Variants in ZNF207 observed in about 807,000 individuals in gnomAD.
The protein encoded by ZNF207 is zinc finger protein 207.
ZNF207 carries 24 observed loss-of-function variants against 60.2 expected under a neutral mutation model. The observed-to-expected ratio is 0.40, with a 90% CI of 0.29 to 0.56. The LOEUF (loss-of-function observed/expected upper bound fraction) is 0.56, where lower values mean the gene tolerates loss of function less well. Ranked by LOEUF, ZNF207 falls within the 20% of genes least tolerant of loss-of-function variation. The pLI, the probability that ZNF207 is intolerant of heterozygous loss-of-function variation, is 0.49. For synonymous variants in ZNF207, 236 were observed against 194.7 expected (o/e 1.21, Z -1.77); for missense variants, 452 against 636.6 (o/e 0.71, Z 3.12).
At chr17:32,359,246 G>A (rs1904720461) in intron 3 of ZNF207, among the ~76,000 whole-genome samples, 1 of 152,014 alleles carries the variant, frequency 6.6e-6, no homozygotes, top group African/African-American at 2.4e-5. Context: ...CGGAGTAGCT[G>A]GGATTAGAGG....
In ZNF207 at chr17:32,375,327, C is replaced by CT. The variant is rs1398994883; in HGVS notation, c.*5569dup. The CT allele has an allele frequency of 1.3e-5, 2 of 152,124 alleles. No individual in the cohort carries two copies. The highest frequency in any genetic ancestry group is 4.8e-5 in the African/African-American group (2 of 41,428). The allele number at this position is 152,124 out of a possible 1,614,324, so 9.4% of individuals were successfully genotyped here. On this transcript the variant is annotated 3_prime_UTR_variant, in exon 12 of 12. Transcript: ENST00000394670. ...GTCCTTAATTGGAGATCTGTTTTCT[C>CT]TATTACCTACCATCCTGCAATATGC...
At chr17:32,355,652 C>G (rs1382509295) in intron 2 of ZNF207, among the ~76,000 whole-genome samples, 1 of 152,126 alleles carries the variant, frequency 6.6e-6, no homozygotes, top group Admixed American at 6.6e-5. Flanking sequence ...TTTGTAAGGA[C>G]TGTAGTGTGG....
At chr17:32,359,362 C>T (rs766367844) in intron 3 of ZNF207, among the ~76,000 whole-genome samples, 3 of 151,742 alleles carry the variant, frequency 2.0e-5, no homozygotes, top group Admixed American at 6.6e-5. Context: ...CTGCCCGCCT[C>T]GGCCTCCCAA....
chr17:32,352,072 ATTC>A (rs2041518175), intron 2 of ZNF207, among the ~76,000 whole-genome samples, 160 bp downstream of exon 2: 3 of 152,116 alleles, frequency 2.0e-5, no homozygotes, highest in Admixed American at 2.0e-4. Context: ...GGTTCAAGCT[ATTC>A]TTCTGCCTCA....
chr17:32,351,369 C>A, intron 1 of ZNF207: 2 of 961,118 alleles, frequency 2.1e-6, no homozygotes, highest in East Asian at 1.1e-4. Context: ...TTGCTAAATT[C>A]CTAATCCAGT....
chr17:32,379,383 T>C lies in ZNF207; in HGVS notation c.*9624T>C, dbSNP rs1905796302. 1 of 152,180 alleles carries C rather than the reference T, an allele frequency of 6.6e-6. No individual in the cohort carries two copies. The highest frequency in any genetic ancestry group is 1.5e-5 in the Non-Finnish European group (1 of 67,984). The allele number at this position is 152,180 out of a possible 1,614,324, so 9.4% of individuals were successfully genotyped here. On this transcript the variant is annotated 3_prime_UTR_variant, in exon 12 of 12. Transcript: ENST00000394670. Reference sequence around the variant, plus strand: ...ACCTGGCATTTCCCTTTTAATTTGCTAGTTCACTTTTTTCTGACCTTCACT... The same window carrying C: ...ACCTGGCATTTCCCTTTTAATTTGCCAGTTCACTTTTTTCTGACCTTCACT...
intron 2 of ZNF207, among the ~76,000 whole-genome samples, chr17:32,355,274 A>T (rs975542842): frequency 6.6e-6 from 1 of 152,200 alleles, no homozygotes; most frequent in African/African-American, 2.4e-5. Context: ...CCTGTGTCCC[A>T]GCTACTCAGG....
intron 9 of ZNF207, among the ~76,000 whole-genome samples, chr17:32,367,282 T>TATGTATATATATATATATATATATATAA (rs1905241031): frequency 7.2e-5 from 6 of 82,852 alleles, no homozygotes; most frequent in Admixed American, 1.3e-4. Context: ...TATATATATA[T>TATGTATATATATATATATATATATATAA]ATAAAGAATA....
chr17:32,352,456 A>C (rs559056484), intron 2 of ZNF207, among the ~76,000 whole-genome samples: 7 of 152,328 alleles, frequency 4.6e-5, no homozygotes, highest in African/African-American at 1.4e-4. Context: ...ATTTAGTTTG[A>C]TAGTACCTTA....
Position 32,361,815 on chromosome 17 carries a change from A to G in ZNF207, c.599+300A>G, listed in dbSNP as rs150381428. ...GAAAGACTATATTCTATGAAATTAC[A>G]TGCTTTATTATTATAGGATGTAATG... On this transcript the variant is annotated intron_variant, in intron 6 of 11. Transcript: ENST00000394670. 4.8e-3 allele frequency among the ~76,000 whole-genome samples: 730 copies of G among 152,332 alleles called. 5 individuals are homozygous for G. The highest frequency in any genetic ancestry group is 0.015 in the African/African-American group (643 of 41,570).
At chr17:32,353,811 CAAAA>C (rs536502166) in intron 2 of ZNF207, among the ~76,000 whole-genome samples, 1 of 110,528 alleles carries the variant, frequency 9.0e-6, no homozygotes, top group South Asian at 3.3e-4. Flanking sequence ...ACTCTGTCTC[CAAAA>C]AAAAAAAAAA....
chr17:32,381,030 A>G lies in ZNF207; in HGVS notation c.*11271A>G, dbSNP rs1905863429. On this transcript the variant is annotated 3_prime_UTR_variant, in exon 12 of 12. Coordinates refer to ENST00000394670, the MANE Select transcript of ZNF207 (RefSeq NM_001098507.2). The stretch of plus-strand genomic sequence containing the variant: ...CCCTGGGATGTTCTATTAATAATAA[A>G]GTGATAATAAATGAAGGTTAAAGTC... 6.6e-6 allele frequency: 1 copy of G among 152,264 alleles called. No individual in the cohort carries two copies. The highest frequency in any genetic ancestry group is 1.9e-4 in the East Asian group (1 of 5,206). The allele number at this position is 152,264 out of a possible 1,614,324, so 9.4% of individuals were successfully genotyped here.
At position 32,380,960 on chromosome 17, in the gene ZNF207, AAAAAAAAG is replaced by A. The variant is rs929366610; in HGVS notation, c.*11215_*11222del. On this transcript the variant is annotated 3_prime_UTR_variant, in exon 12 of 12. Transcript: ENST00000394670. Reference sequence around the variant, plus strand: ...TGACAGAGCGAGACTCCGTCTCAAAAAAAAAAAGAAAAAAAGAAAAAGTGATAAGATTT... The same window carrying A: ...TGACAGAGCGAGACTCCGTCTCAAAAAAAAAAAGAAAAAGTGATAAGATTT... 4.6e-5 allele frequency: 7 copies of A among 151,930 alleles called. No individual in the cohort carries two copies. Among genetic ancestry groups the A allele is most frequent in the African/African-American group, 1.2e-4 (5 of 41,446 alleles). The allele number at this position is 151,930 out of a possible 1,614,324, so 9.4% of individuals were successfully genotyped here.
chr17:32,362,195 G>A (rs758079660), intron 6 of ZNF207, among the ~76,000 whole-genome samples: 4 of 150,942 alleles, frequency 2.7e-5, no homozygotes, highest in Admixed American at 6.6e-5. Context: ...TTACTCTGTC[G>A]CCCAGACTAC....
At position 32,369,127 on chromosome 17, in the gene ZNF207, T is replaced by C. The variant is rs1905343734; in HGVS notation, c.1165-168T>C. ...CAAATAGGTGAAGTTTTAAGGTATCTAGAGTTTAAGTAGTTGGATTGGTTT... is the reference window on the plus strand; with the variant it reads ...CAAATAGGTGAAGTTTTAAGGTATCCAGAGTTTAAGTAGTTGGATTGGTTT... On this transcript the variant is annotated intron_variant, in intron 10 of 11. Transcript: ENST00000394670. The C allele has an allele frequency of 1.1e-5, 7 of 625,364 alleles. No homozygotes were observed. The South Asian group carries it at 1.6e-4, about 14-fold the overall frequency. The allele number at this position is 625,364 out of a possible 1,614,324, so 38.7% of individuals were successfully genotyped here.
intron 2 of ZNF207, among the ~76,000 whole-genome samples, chr17:32,352,525 A>G (rs2041526786): frequency 6.6e-6 from 1 of 152,228 alleles, no homozygotes; most frequent in Non-Finnish European, 1.5e-5. Context: ...CTTGGAGCAG[A>G]GAACAAGGAT....
At chr17:32,354,732 G>A (rs1002001931) in intron 2 of ZNF207, among the ~76,000 whole-genome samples, 4 of 152,014 alleles carry the variant, frequency 2.6e-5, no homozygotes, top group African/African-American at 9.7e-5. Context: ...TCCTGCCTCA[G>A]CCTCTCGAGT....
intron 1 of ZNF207, chr17:32,351,374 T>C (rs2041504442): frequency 1.0e-6 from 1 of 1,000,898 alleles, no homozygotes; most frequent in Non-Finnish European, 1.3e-6. Context: ...AAATTCCTAA[T>C]CCAGTTATTG....
chr17:32,354,714 A>G (rs574516773), intron 2 of ZNF207, among the ~76,000 whole-genome samples: 2 of 152,182 alleles, frequency 1.3e-5, no homozygotes, highest in Non-Finnish European at 2.9e-5. Flanking sequence ...TCCGGGTTCA[A>G]GCAATTCTCC....
Sources: gnomAD v4.1 joint callset for allele counts (sites outside exome capture counted in the v4.1 genomes callset) on GRCh38, gnomAD v4.1.1 for gene constraint, MANE v1.5 for transcripts, NCBI Gene and HGNC (gene_info 2026-07-23, HGNC 2026-07-21) for gene names.